VWCE: variants seen among roughly 807,000 people sequenced by gnomAD.
The protein encoded by VWCE is von Willebrand factor C and EGF domain-containing protein.
VWCE carries 68 observed loss-of-function variants against 102.9 expected under a neutral mutation model. That is an observed-to-expected ratio of 0.66 (90% CI 0.54 to 0.81). The LOEUF (loss-of-function observed/expected upper bound fraction) is 0.81, where lower values mean the gene tolerates loss of function less well. VWCE is among the 30% of genes least tolerant of loss of function. The pLI, the probability that VWCE is intolerant of heterozygous loss-of-function variation, is 0.00. For synonymous variants in VWCE, 497 were observed against 515.4 expected (o/e 0.96, Z 0.48); for missense variants, 1,137 against 1,263.6 (o/e 0.90, Z 1.52).
intron 15 of VWCE, among the ~76,000 whole-genome samples, chr11:61,268,093 A>C (rs1854565604): frequency 6.6e-6 from 1 of 150,612 alleles, no homozygotes; most frequent in Non-Finnish European, 1.5e-5. Context: ...AAATAAAATA[A>C]ATAAATATAT....
In VWCE at chr11:61,274,754, A is replaced by C. The variant is rs1171496529; in HGVS notation, c.1496-170T>G. 2.0e-5 allele frequency among the ~76,000 whole-genome samples: 3 copies of C among 152,100 alleles called. No individual in the cohort carries two copies. The East Asian group carries it at 5.8e-4, about 29-fold the overall frequency. On this transcript the variant is annotated intron_variant, in intron 11 of 19. Transcript: ENST00000335613. ...GCACTTCTCCCCCTCCAAACCCCAG[A>C]CACAAAACAAGTCATGCCGACAAAG... is the stretch of plus-strand genomic sequence containing the variant.
intron 14 of VWCE, chr11:61,269,293 C>T (rs1377000286): frequency 1.8e-5 from 8 of 455,916 alleles, no homozygotes; most frequent in Non-Finnish European, 3.2e-5. Context: ...AAAGCCTGCA[C>T]CGTCACCACC....
chr11:61,294,947 C>T lies in VWCE; in HGVS notation c.91G>A (p.Gly31Arg). 6.9e-7 allele frequency: 1 copy of T among 1,451,192 alleles called. No homozygotes were observed. Among genetic ancestry groups the T allele is most frequent in the Non-Finnish European group, 9.1e-7 (1 of 1,101,352 alleles). 89.9% of individuals were successfully genotyped at this position (1,451,192 alleles called of 1,614,324 possible). ...GCTTACCTCTCGGCCGCGAAGTGCC[C>T]GGGCGGCTTCCTCCCGGTGTAGCCT... Reference protein sequence around the residue: ...ARGYTGRKPPGHFAAERRRLG... With the variant: ...ARGYTGRKPPRHFAAERRRLG... The change falls in exon 1 of 20, where the codon GGG becomes AGG. Residue 31 changes from glycine (G) to arginine (R), a missense_variant. Gly to Arg is a moderately radical substitution (Grantham distance 125, BLOSUM62 -2). This residue lies in a region of VWCE where 575 missense variants were observed against 625.9 expected (regional missense o/e 0.92). Transcript: ENST00000335613. The surrounding 1 kb of genome is among the most constrained non-coding windows in gnomAD (Gnocchi z 6.3).
Position 61,295,252 on chromosome 11 carries a change from GGCACCTCGAA to G in VWCE, c.-225_-216del, listed in dbSNP as rs1362254419. On this transcript the variant is annotated 5_prime_UTR_variant, in exon 1 of 20. Coordinates refer to ENST00000335613, the MANE Select transcript of VWCE (RefSeq NM_152718.2). The surrounding 1 kb of genome is among the most constrained non-coding windows in gnomAD (Gnocchi z 4.6). ...GCGGACGATTGTGGGGAGGGTCTCT[GGCACCTCGAA>G]GCGAAACACACAAAGGCAACGCCGC... The G allele has an allele frequency of 2.7e-6, 1 of 375,490 alleles. No homozygotes were observed. Among genetic ancestry groups the G allele is most frequent in the Non-Finnish European group, 4.7e-6 (1 of 211,680 alleles). 23.3% of individuals were successfully genotyped at this position (375,490 alleles called of 1,614,324 possible).
At chr11:61,284,754 C>T (rs1855261457) in intron 5 of VWCE, among the ~76,000 whole-genome samples, 1 of 151,978 alleles carries the variant, frequency 6.6e-6, no homozygotes, top group Non-Finnish European at 1.5e-5. Flanking sequence ...TCAAGACCAG[C>T]CTGGCCAACA....
In VWCE at chr11:61,265,917, G is replaced by A. The variant is rs113930533; in HGVS notation, c.1966-705C>T. On this transcript the variant is annotated intron_variant, in intron 16 of 19. Transcript: ENST00000335613. Reference sequence around the variant, plus strand: ...AAAAATTAGCTGGGCGTGGTGGTGCGCACCTGTAATCCCAGCTACTCAGGA... The same window carrying A: ...AAAAATTAGCTGGGCGTGGTGGTGCACACCTGTAATCCCAGCTACTCAGGA... 2.5e-4 allele frequency among the ~76,000 whole-genome samples: 38 copies of A among 152,076 alleles called. 1 individual carries two copies. Among genetic ancestry groups the A allele is most frequent in the East Asian group, 2.3e-3 (12 of 5,166 alleles).
intron 5 of VWCE, among the ~76,000 whole-genome samples, chr11:61,284,310 A>G (rs1448830682): frequency 1.3e-5 from 2 of 152,246 alleles, no homozygotes; most frequent in Non-Finnish European, 2.9e-5. Context: ...ATGGAGATAG[A>G]TAATACCAAC....
chr11:61,282,806 T>C lies in VWCE; in HGVS notation c.641A>G (p.Asn214Ser). The part of the protein sequence containing the change: ...SCRTGFHLHG[N>S]RHSCVDVNEC... ...CGCCTTACCTACACAGGAGTGCCGGTTGCCATGAAGGTGGAAGCCAGTTCG... is the reference window on the plus strand; with the variant it reads ...CGCCTTACCTACACAGGAGTGCCGGCTGCCATGAAGGTGGAAGCCAGTTCG... Residue 214 changes from asparagine to serine, a missense_variant, in exon 6 of 20, where the codon AAC becomes AGC. Coordinates refer to ENST00000335613, the MANE Select transcript of VWCE (RefSeq NM_152718.2). 6.2e-7 allele frequency: 1 copy of C among 1,614,112 alleles called. No homozygotes were observed. The highest frequency in any genetic ancestry group is 8.5e-7 in the Non-Finnish European group (1 of 1,179,988).
chr11:61,281,364 T>A, intron 7 of VWCE, 129 bp from the exon 8 acceptor site: 1 of 1,124,366 alleles, frequency 8.9e-7, no homozygotes, highest in South Asian at 1.5e-5. Context: ...AACATTCTAC[T>A]ATGTTTATGG....
intron 9 of VWCE, among the ~76,000 whole-genome samples, chr11:61,280,326 G>A (rs1855078748): frequency 6.6e-6 from 1 of 152,124 alleles, no homozygotes; most frequent in Admixed American, 6.5e-5. Context: ...CAGATGCCCA[G>A]AAGATGAAAA....
Position 61,258,831 on chromosome 11 carries a change from C to T in VWCE, c.2712G>A (p.Met904Ile). Reference protein sequence around the residue: ...LLTEASALSMMDPSPSKTPIT... With the variant: ...LLTEASALSMIDPSPSKTPIT... The stretch of plus-strand genomic sequence containing the variant: ...TGGGGGTCTTCGAGGGGCTGGGGTC[C>T]ATCATGGAAAGTGCTGAAGCTTCCG... The change falls in exon 20 of 20, where the codon ATG becomes ATA. Residue 904 changes from methionine to isoleucine, a missense_variant. Around this residue, in one of 5 missense-constraint regions of VWCE, gnomAD observed 316 missense variants for 319.3 expected, o/e 0.99. Coordinates refer to ENST00000335613, the MANE Select transcript of VWCE (RefSeq NM_152718.2). 6.6e-7 allele frequency: 1 copy of T among 1,510,760 alleles called. No homozygotes were observed. The highest frequency in any genetic ancestry group is 8.8e-7 in the Non-Finnish European group (1 of 1,131,756). The allele number at this position is 1,510,760 out of a possible 1,614,324, so 93.6% of individuals were successfully genotyped here.
intron 4 of VWCE, among the ~76,000 whole-genome samples, chr11:61,290,118 C>T (rs1352286256): frequency 1.3e-5 from 2 of 152,200 alleles, no homozygotes; most frequent in African/African-American, 4.8e-5. Flanking sequence ...GGTTCCATGC[C>T]CCTCTGTGGG....
chr11:61,272,699 T>A (rs780968779), intron 13 of VWCE, among the ~76,000 whole-genome samples: 22 of 149,894 alleles, frequency 1.5e-4, no homozygotes, highest in Non-Finnish European at 3.1e-4. Context: ...AATGCACACA[T>A]ACACATACAT....
intron 19 of VWCE, 106 bp from the exon 20 acceptor site, chr11:61,259,418 G>T (rs1376951884): frequency 4.7e-5 from 66 of 1,394,718 alleles, no homozygotes; most frequent in Non-Finnish European, 6.3e-5. Context: ...CCTCAGAGGG[G>T]CCTCAGCACA....
rs563618964 is a variant in VWCE at position 61,259,803 on chromosome 11, T to G, written c.2231-491A>C. ...TACTTTCCACTCAATTTTGCCATGATCATCAAACTGCTCTAAAAAATAGTT... is the reference window on the plus strand; with the variant it reads ...TACTTTCCACTCAATTTTGCCATGAGCATCAAACTGCTCTAAAAAATAGTT... On this transcript the variant is annotated intron_variant, in intron 19 of 19. Coordinates refer to ENST00000335613, the MANE Select transcript of VWCE (RefSeq NM_152718.2). Among the ~76,000 whole-genome samples, 6 of 152,274 alleles carry G rather than the reference T, an allele frequency of 3.9e-5. No homozygotes were observed. The East Asian group carries it at 9.6e-4, about 24-fold the overall frequency.
chr11:61,275,423 A>G (rs1463991118), intron 11 of VWCE, among the ~76,000 whole-genome samples: 1 of 152,220 alleles, frequency 6.6e-6, no homozygotes, highest in Non-Finnish European at 1.5e-5. Flanking sequence ...TCTCATCTGT[A>G]CAATGGGACC....
intron 13 of VWCE, among the ~76,000 whole-genome samples, chr11:61,272,151 C>A (rs1854731884): frequency 6.6e-6 from 1 of 151,748 alleles, no homozygotes; most frequent in South Asian, 2.1e-4. Flanking sequence ...TACAAATGCA[C>A]ATTTACATAC....
chr11:61,259,365 G>C, intron 19 of VWCE, 53 bp from the exon 20 acceptor site: 1 of 1,521,196 alleles, frequency 6.6e-7, no homozygotes. Context: ...CAGTGGCCAA[G>C]GTGGCTCTGG....
intron 1 of VWCE, among the ~76,000 whole-genome samples, chr11:61,292,225 CAAA>C (rs1182596645): frequency 2.6e-5 from 3 of 116,562 alleles, no homozygotes; most frequent in Non-Finnish European, 5.6e-5. Flanking sequence ...CGTCTCAAAA[CAAA>C]AAAAAAAAAA....
Sources: allele counts gnomAD v4.1 joint callset (sites outside exome capture counted in the v4.1 genomes callset), GRCh38; gene constraint gnomAD v4.1.1; regional missense constraint gnomAD v4.1.1; non-coding constraint Gnocchi (gnomAD v3.1); transcripts MANE v1.5; gene names NCBI Gene and HGNC (gene_info 2026-07-23, HGNC 2026-07-21).